RBBP8: variants seen among roughly 807,000 people sequenced by gnomAD.
RBBP8 encodes the protein RB binding protein 8, endonuclease, also known as DNA endonuclease RBBP8.
In RBBP8, 88 loss-of-function variants were observed where a neutral mutation model predicts 108.3. The observed-to-expected ratio is 0.81, with a 90% CI of 0.68 to 0.97. The LOEUF is 0.97. Ranked by LOEUF, RBBP8 falls within the 50% of genes least tolerant of loss-of-function variation. The probability of loss-of-function intolerance (pLI) is 0.00; values close to 1 mark genes in which losing one functional copy is unlikely to be tolerated. For missense variants in RBBP8, 1,023 were observed against 1,049.0 expected (o/e 0.98, Z 0.34); for synonymous variants, 332 against 348.2 (o/e 0.95, Z 0.52).
At chr18:22,923,926 A>G (rs1019788750) in intron 3 of RBBP8, among the ~76,000 whole-genome samples, 1 of 152,180 alleles carries the variant, frequency 6.6e-6, no homozygotes, top group African/African-American at 2.4e-5. Flanking sequence ...GCAAGTAAAA[A>G]AGCATATGTG....
chr18:23,017,897 CCA>C (rs1314472614), intron 17 of RBBP8, among the ~76,000 whole-genome samples: 1 of 151,686 alleles, frequency 6.6e-6, no homozygotes, highest in African/African-American at 2.4e-5. Context: ...CAGGCACCTA[CCA>C]CCATGCATGA....
At chr18:23,016,084 A>G (rs957369163) in intron 16 of RBBP8, among the ~76,000 whole-genome samples, 1 of 151,872 alleles carries the variant, frequency 6.6e-6, no homozygotes, top group Non-Finnish European at 1.5e-5. Context: ...TAATTTTTGT[A>G]TTTTTAACAC....
chr18:23,003,307 C>T (rs918403210), intron 15 of RBBP8, among the ~76,000 whole-genome samples: 2 of 152,176 alleles, frequency 1.3e-5, no homozygotes, highest in Admixed American at 6.5e-5. Context: ...TACTTCCAAC[C>T]AAATAATCTT....
At position 22,993,019 on chromosome 18, in the gene RBBP8, A is replaced by G; in HGVS notation, c.1192A>G (p.Ile398Val). The change falls in exon 11 of 19, where the codon ATT (isoleucine) becomes GTT (valine). Residue 398 changes from isoleucine to valine, a missense_variant. Transcript: ENST00000327155. Reference sequence around the variant, plus strand: ...TCTTGGGTCTGAAGTGAACAAGATCATTATCCAGTCATCTAATAAACAGAT... The same window carrying G: ...TCTTGGGTCTGAAGTGAACAAGATCGTTATCCAGTCATCTAATAAACAGAT... ...HSLGSEVNKI[I>V]IQSSNKQILI... The G allele has an allele frequency of 5.0e-6, 8 of 1,613,604 alleles. No homozygotes were observed. Among genetic ancestry groups the G allele is most frequent in the Non-Finnish European group, 6.8e-6 (8 of 1,179,580 alleles).
At position 22,992,836 on chromosome 18, in the gene RBBP8, A is replaced by G. The variant is rs121434388; in HGVS notation, c.1009A>G (p.Lys337Glu). ...SPVFGATSSI[K>E]SGLDLNTSLS... ...TGTATTTGGAGCTACCTCTAGTATC[A>G]AAAGTGGTTTAGATTTGAATACAAG... Residue 337 changes from lysine (K) to glutamate (E), a missense_variant, in exon 11 of 19, where the codon AAA (lysine) becomes GAA (glutamate). Coordinates refer to ENST00000327155, the MANE Select transcript of RBBP8 (RefSeq NM_002894.3). The G allele has an allele frequency of 2.6e-4, 425 of 1,612,938 alleles. No homozygotes were observed. Among genetic ancestry groups the G allele is most frequent in the Non-Finnish European group, 3.4e-4 (406 of 1,179,064 alleles).
At chr18:22,927,136 C>G (rs1274797149) in intron 3 of RBBP8, among the ~76,000 whole-genome samples, 1 of 152,214 alleles carries the variant, frequency 6.6e-6, no homozygotes, top group Non-Finnish European at 1.5e-5. Context: ...TTCTTTCCCT[C>G]ACCTCTCAAA....
intron 1 of RBBP8, among the ~76,000 whole-genome samples, chr18:22,936,525 A>G (rs998081050): frequency 1.1e-4 from 17 of 152,222 alleles, no homozygotes; most frequent in African/African-American, 4.1e-4. Flanking sequence ...AGAAATAAGA[A>G]AATTTGCCTG....
At position 23,026,169 on chromosome 18, in the gene RBBP8, T is replaced by A; in HGVS notation, c.2623T>A (p.Cys875Ser). The A allele has an allele frequency of 6.2e-7, 1 of 1,613,726 alleles. No homozygotes were observed. The highest frequency in any genetic ancestry group is 8.5e-7 in the Non-Finnish European group (1 of 1,179,702). Residue 875 changes from cysteine to serine, a missense_variant, in exon 19 of 19, where the codon TGT (cysteine) becomes AGT (serine). Transcript: ENST00000327155. ...RGYIKEDLDP[C>S]PRPKRRQPYN... The stretch of plus-strand genomic sequence containing the variant: ...TTATATTAAGGAAGATCTTGATCCT[T>A]GTCCTCGTCCAAAAAGACGTCAGCC...
chr18:22,963,475 C>T (rs1913294009), intron 4 of RBBP8, among the ~76,000 whole-genome samples: 1 of 152,118 alleles, frequency 6.6e-6, no homozygotes, highest in South Asian at 2.1e-4. Context: ...TCAACCACAA[C>T]GTTCTATCAT....
At chr18:23,023,587 C>T (rs1159501492) in intron 18 of RBBP8, among the ~76,000 whole-genome samples, 1 of 152,150 alleles carries the variant, frequency 6.6e-6, no homozygotes, top group Non-Finnish European at 1.5e-5. Context: ...CTGAAGTCTT[C>T]ATGTCATTTA....
intron 18 of RBBP8, 25 bp downstream of exon 18, chr18:23,022,295 T>C: frequency 1.3e-6 from 2 of 1,587,154 alleles, no homozygotes; most frequent in Non-Finnish European, 1.7e-6. Flanking sequence ...TGTAACATTT[T>C]ATAATTATTT....
intron 14 of RBBP8, among the ~76,000 whole-genome samples, chr18:22,999,550 G>A (rs1484395931): frequency 6.6e-6 from 1 of 151,990 alleles, no homozygotes; most frequent in Admixed American, 6.6e-5. Context: ...GGCATAAAGC[G>A]AAATGAACAG....
At chr18:22,939,840 G>C (rs1308272788) in intron 2 of RBBP8, among the ~76,000 whole-genome samples, 1 of 152,164 alleles carries the variant, frequency 6.6e-6, no homozygotes, top group African/African-American at 2.4e-5. Context: ...GGTTGCATGG[G>C]GAAGTGGGTT....
intron 16 of RBBP8, 71 bp downstream of exon 16, chr18:23,006,503 T>G: frequency 7.7e-7 from 1 of 1,293,578 alleles, no homozygotes; most frequent in South Asian, 1.2e-5. Context: ...TTTCTCTCTC[T>G]TTTTTCTTTT....
At chr18:22,965,744 C>T (rs568549902) in intron 4 of RBBP8, among the ~76,000 whole-genome samples, 9 of 151,864 alleles carry the variant, frequency 5.9e-5, no homozygotes, top group Admixed American at 1.3e-4. Flanking sequence ...TTTCTTAAAA[C>T]GTGCTTTTAA....
At chr18:22,951,502 C>T (rs932332131) in intron 4 of RBBP8, among the ~76,000 whole-genome samples, 5 of 152,216 alleles carry the variant, frequency 3.3e-5, no homozygotes, top group African/African-American at 9.6e-5. Context: ...CCACTGTACT[C>T]GTACAACATG....
intron 18 of RBBP8, among the ~76,000 whole-genome samples, chr18:23,022,602 A>AAAAATAAAATAAAATAAAAT (rs1299225729): frequency 0.085 from 7,872 of 92,396 alleles, 1,201 homozygotes; most frequent in African/African-American, 0.21. Flanking sequence ...ACTCTGTCTC[A>AAAAATAAAATAAAATAAAAT]AAAATAAAAT....
At chr18:22,972,561 G>A (rs1661896213) in intron 5 of RBBP8, among the ~76,000 whole-genome samples, 4 of 151,654 alleles carry the variant, frequency 2.6e-5, no homozygotes, top group Admixed American at 1.3e-4. Context: ...TTATAGGCAC[G>A]TGCGACCACG....
intron 4 of RBBP8, among the ~76,000 whole-genome samples, chr18:22,950,707 G>A (rs924299767): frequency 6.6e-6 from 1 of 152,116 alleles, no homozygotes; most frequent in Non-Finnish European, 1.5e-5. Flanking sequence ...GATTGCTTGA[G>A]TCCAGTAGTT....
Sources: allele counts gnomAD v4.1 joint callset (sites outside exome capture counted in the v4.1 genomes callset), GRCh38; gene constraint gnomAD v4.1.1; transcripts MANE v1.5; gene names NCBI Gene and HGNC (gene_info 2026-07-23, HGNC 2026-07-21).